Variants in CD1B observed in about 807,000 individuals in gnomAD.
CD1B encodes the protein T-cell surface glycoprotein CD1b.
Under a neutral mutation model 39.8 loss-of-function variants are expected in CD1B, and 43 were observed. The ratio of observed to expected loss-of-function variants is 1.08; its 90% CI spans 0.85 to 1.39. The LOEUF is 1.39. CD1B is among the 40% of genes most tolerant of loss of function. The probability of loss-of-function intolerance (pLI) is 0.00; values close to 1 mark genes in which losing one functional copy is unlikely to be tolerated. For synonymous variants in CD1B, 192 were observed against 152.5 expected, an observed-to-expected ratio of 1.26 and a Z score of -1.91; for missense variants, 495 against 403.8, an observed-to-expected ratio of 1.23 and a Z score of -1.94.
the CD1B span, among the ~76,000 whole-genome samples, chr1:158,308,644 T>C: frequency 3.9e-5 from 6 of 152,106 alleles, no homozygotes; most frequent in African/African-American, 1.2e-4. Context: ...TATAGAACAA[T>C]GGAACAGAAC....
At chr1:158,313,321 A>AT in the CD1B span, among the ~76,000 whole-genome samples, 1,863 of 151,696 alleles carry the variant, frequency 0.012, 38 homozygotes, top group African/African-American at 0.04. Flanking sequence ...ATTTTATTTT[A>AT]TTTTTTTGAG....
chr1:158,291,109 C>A, the CD1B span: 4 of 1,584,846 alleles, frequency 2.5e-6, no homozygotes, highest in Non-Finnish European at 2.6e-6. Flanking sequence ...TTTCCTTACA[C>A]TACTTGCCCT....
the CD1B span, among the ~76,000 whole-genome samples, chr1:158,308,758 T>C: frequency 6.6e-6 from 1 of 152,194 alleles, no homozygotes; most frequent in Non-Finnish European, 1.5e-5. Flanking sequence ...TAAATGGTGC[T>C]GGGAAAACTG....
At chr1:158,322,015 G>T in the CD1B span, among the ~76,000 whole-genome samples, 1 of 152,120 alleles carries the variant, frequency 6.6e-6, no homozygotes, top group Admixed American at 6.6e-5. Flanking sequence ...ATTTTAATCA[G>T]AAAAGAAAGG....
At chr1:158,326,846 GAGTGC>G (rs1158885703), downstream of CD1B, among the ~76,000 whole-genome samples, 1 of 151,938 alleles carries the variant, frequency 6.6e-6, no homozygotes, top group East Asian at 1.9e-4. Context: ...ACCCAGGCTG[GAGTGC>G]AGTGGCACAA....
At chr1:158,322,440 TG>T in the CD1B span, among the ~76,000 whole-genome samples, 9 of 148,630 alleles carry the variant, frequency 6.1e-5, no homozygotes, top group African/African-American at 1.8e-4. Context: ...TGTGTGTGTG[TG>T]TTTTCTCGTA....
At chr1:158,318,372 G>C in the CD1B span, among the ~76,000 whole-genome samples, 1 of 152,138 alleles carries the variant, frequency 6.6e-6, no homozygotes, top group Admixed American at 6.5e-5. Flanking sequence ...ATATATTTAG[G>C]ATAGTTAACT....
At chr1:158,321,975 A>C in the CD1B span, among the ~76,000 whole-genome samples, 1 of 152,184 alleles carries the variant, frequency 6.6e-6, no homozygotes, top group African/African-American at 2.4e-5. Context: ...GTCCATGTAT[A>C]ACAAGTTATT....
intron 5 of CD1B, 89 bp downstream of exon 5, chr1:158,328,832 A>G (rs1352575945): frequency 5.2e-6 from 5 of 963,380 alleles, no homozygotes; most frequent in Middle Eastern, 4.4e-4. Context: ...AGGATAAACA[A>G]TTTTTAAATA....
chr1:158,304,824 C>T, the CD1B span, among the ~76,000 whole-genome samples: 1 of 152,210 alleles, frequency 6.6e-6, no homozygotes. Context: ...CCCAGGAAAA[C>T]AGGGTCTGGA....
At chr1:158,326,379 A>G (rs1557819251), downstream of CD1B, among the ~76,000 whole-genome samples, 1 of 152,210 alleles carries the variant, frequency 6.6e-6, no homozygotes, top group Non-Finnish European at 1.5e-5. Flanking sequence ...TTACAAGAAG[A>G]ATGATGAAAT....
the CD1B span, among the ~76,000 whole-genome samples, chr1:158,287,943 G>C: frequency 6.6e-6 from 1 of 152,172 alleles, no homozygotes; most frequent in Non-Finnish European, 1.5e-5. Flanking sequence ...GTCAGGACTG[G>C]AGCTGGCTAA....
the CD1B span, among the ~76,000 whole-genome samples, chr1:158,320,885 T>G: frequency 1.3e-5 from 2 of 152,226 alleles, no homozygotes; most frequent in African/African-American, 4.8e-5. Context: ...TTTTTTGATT[T>G]TTAATTTTTT....
At chr1:158,309,446 A>G in the CD1B span, among the ~76,000 whole-genome samples, 4 of 152,238 alleles carry the variant, frequency 2.6e-5, no homozygotes, top group Non-Finnish European at 5.9e-5. Flanking sequence ...ATCTAGAACT[A>G]GAAATACCAT....
chr1:158,330,025 T>C lies in CD1B; in HGVS notation c.434A>G (p.Lys145Arg), dbSNP rs150362052. 21 of 1,613,978 alleles carry C rather than the reference T, an allele frequency of 1.3e-5. No homozygotes were observed. The highest frequency in any genetic ancestry group is 1.6e-4 in the Middle Eastern group (1 of 6,082). Residue 145 changes from lysine to arginine, a missense_variant, in exon 3 of 6, where the codon AAG becomes AGG. Coordinates refer to ENST00000368168, the MANE Select transcript of CD1B (RefSeq NM_001764.3). ...TGGGGAAGGCACACATGAAGCATTC[T>C]TGACACTCAGGAAATCCAATCCTCC... ...ALGGLDFLSVKNASCVPSPEG... is the reference protein window; with the variant it reads ...ALGGLDFLSVRNASCVPSPEG...
the CD1B span, chr1:158,293,671 C>T: frequency 9.3e-6 from 12 of 1,294,918 alleles, no homozygotes; most frequent in African/African-American, 1.5e-4. Context: ...AGCACTCAAC[C>T]TTCAAAGCCC....
chr1:158,330,079 G>T lies in CD1B; in HGVS notation c.380C>A (p.Ala127Asp). The T allele has an allele frequency of 1.2e-6, 2 of 1,613,808 alleles. No individual in the cohort carries two copies. Among genetic ancestry groups the T allele is most frequent in the South Asian group, 1.1e-5 (1 of 91,058 alleles). The change falls in exon 3 of 6, where the codon GCC (alanine) becomes GAC (aspartate). Residue 127 changes from alanine (A) to aspartate (D), a missense_variant. Physicochemically the swap from Ala to Asp is moderately radical, Grantham distance 126 (BLOSUM62 -2). Coordinates refer to ENST00000368168, the MANE Select transcript of CD1B (RefSeq NM_001764.3). Reference sequence around the variant, plus strand: ...AGCTCCCCTCAGGAAGCTTACTATGGCACCTCCAGAATGTAGCTCACAGCC... The same window carrying T: ...AGCTCCCCTCAGGAAGCTTACTATGTCACCTCCAGAATGTAGCTCACAGCC... ...IAGCELHSGG[A>D]IVSFLRGALG...
chr1:158,286,253 C>T, the CD1B span, among the ~76,000 whole-genome samples: 2 of 152,140 alleles, frequency 1.3e-5, no homozygotes, highest in Non-Finnish European at 2.9e-5. Flanking sequence ...AGATTATTCT[C>T]TTAGGATTTT....
the CD1B span, among the ~76,000 whole-genome samples, chr1:158,298,700 G>A: frequency 1.1e-4 from 16 of 152,224 alleles, no homozygotes; most frequent in South Asian, 3.3e-3. Context: ...TTGAGCAGTG[G>A]TTTGTAGTTC....
Sources: allele counts gnomAD v4.1 joint callset (sites outside exome capture counted in the v4.1 genomes callset), GRCh38; gene constraint gnomAD v4.1.1; transcripts MANE v1.5; gene names NCBI Gene and HGNC (gene_info 2026-07-23, HGNC 2026-07-21).